FKBP15: variants seen among roughly 807,000 people sequenced by gnomAD.
FKBP15 encodes FKBP prolyl isomerase family member 15.
FKBP15 carries 106 observed loss-of-function variants against 158.1 expected under a neutral mutation model. The observed-to-expected ratio is 0.67, with a 90% CI of 0.57 to 0.79. The LOEUF (loss-of-function observed/expected upper bound fraction) is 0.79, where lower values mean the gene tolerates loss of function less well. FKBP15 is among the 30% of genes least tolerant of loss of function. The pLI, the probability that FKBP15 is intolerant of heterozygous loss-of-function variation, is 0.00. For missense variants in FKBP15, 1,287 were observed against 1,479.1 expected (o/e 0.87, Z 2.13); for synonymous variants, 547 against 548.6 (o/e 1.00, Z 0.04).
At chr9:113,216,064 G>C (rs1048153441) in intron 1 of FKBP15, among the ~76,000 whole-genome samples, 5 of 126,908 alleles carry the variant, frequency 3.9e-5, no homozygotes, top group Non-Finnish European at 6.3e-5. Context: ...CACGGGGTTG[G>C]ACACAACCTT....
chr9:113,218,975 C>T (rs1831199576), intron 1 of FKBP15, among the ~76,000 whole-genome samples: 1 of 152,150 alleles, frequency 6.6e-6, no homozygotes, highest in Non-Finnish European at 1.5e-5. Flanking sequence ...ATAATTGGCC[C>T]CTTAAAAATG....
In FKBP15 at chr9:113,202,522, T is replaced by C. The variant is rs1830812408; in HGVS notation, c.498+9A>G. On this transcript the variant is annotated intron_variant, in intron 6 of 27. Coordinates refer to ENST00000238256, the MANE Select transcript of FKBP15 (RefSeq NM_015258.2). The stretch of plus-strand genomic sequence containing the variant: ...TTGGCTTTTCACAGGGAGAGTAAGA[T>C]GTTATCACCTGCTTATTGAACTCCA... 6.4e-7 allele frequency: 1 copy of C among 1,557,040 alleles called. No homozygotes were observed.
chr9:113,197,920 C>T lies in FKBP15; in HGVS notation c.718-842G>A, dbSNP rs147036612. On this transcript the variant is annotated intron_variant, in intron 8 of 27. Transcript: ENST00000238256. ...ACTGCTAAGATCTATGGGAAAAAGT[C>T]TCCATAGGATTCTGGGAAAAGTGGT... Among the ~76,000 whole-genome samples, 129 of 152,288 alleles carry T rather than the reference C, an allele frequency of 8.5e-4. 1 individual carries two copies. Among genetic ancestry groups the T allele is most frequent in the African/African-American group, 3.0e-3 (125 of 41,558 alleles).
intron 26 of FKBP15, among the ~76,000 whole-genome samples, chr9:113,168,808 A>G (rs1282735139): frequency 6.6e-6 from 1 of 152,106 alleles, no homozygotes; most frequent in African/African-American, 2.4e-5. Flanking sequence ...TTCCCTAGCC[A>G]CCCTATCTAA....
chr9:113,188,711 T>A (rs2118897840), intron 12 of FKBP15: 1 of 497,772 alleles, frequency 2.0e-6, no homozygotes, highest in East Asian at 3.3e-5. Flanking sequence ...TCATATTGAA[T>A]AAGTAAATAT....
rs1272217370 is a variant in FKBP15 at position 113,164,510 on chromosome 9, T to C, written c.*1568A>G. On this transcript the variant is annotated 3_prime_UTR_variant, in exon 28 of 28. Transcript: ENST00000238256. Reference sequence around the variant, plus strand: ...CAAATATAATAGCCACTAGTTAATTTACAATAAGAAATAACTGCCCTAGAA... The same window carrying C: ...CAAATATAATAGCCACTAGTTAATTCACAATAAGAAATAACTGCCCTAGAA... 6.6e-6 allele frequency: 1 copy of C among 152,248 alleles called. No individual in the cohort carries two copies. The highest frequency in any genetic ancestry group is 1.5e-5 in the Non-Finnish European group (1 of 68,046). 9.4% of individuals were successfully genotyped at this position (152,248 alleles called of 1,614,324 possible). A position where few individuals can be genotyped will look rare whatever the true frequency, so the allele number is the denominator to read the frequency against.
At chr9:113,166,696 G>A (rs1363519075) in intron 27 of FKBP15, among the ~76,000 whole-genome samples, 1 of 152,174 alleles carries the variant, frequency 6.6e-6, no homozygotes, top group Non-Finnish European at 1.5e-5. Context: ...ATCCTAAGAG[G>A]TGAAGAACAC....
At chr9:113,166,207 A>T in intron 27 of FKBP15, 52 bp from the exon 28 acceptor site, 2 of 1,507,490 alleles carry the variant, frequency 1.3e-6, no homozygotes, top group Non-Finnish European at 1.8e-6. Flanking sequence ...GCACCACTGG[A>T]CTTTCCACCT....
intron 4 of FKBP15, among the ~76,000 whole-genome samples, chr9:113,204,342 G>A (rs10123301): frequency 0.23 from 34,696 of 152,054 alleles, 4,663 homozygotes; most frequent in African/African-American, 0.36. Flanking sequence ...TGCTGGGATT[G>A]CAGGCGTAAG....
chr9:113,174,671 A>T, intron 21 of FKBP15, 88 bp from the exon 22 acceptor site: 2 of 1,366,658 alleles, frequency 1.5e-6, no homozygotes, highest in Non-Finnish European at 2.0e-6. Context: ...TACCTTGTGG[A>T]ATCCTTACTC....
rs781679026 is a variant in FKBP15, at chr9:113,184,486, G to T, written c.1609-87C>A. The T allele has an allele frequency of 2.1e-4, 230 of 1,094,498 alleles. 1 individual carries two copies. The highest frequency in any genetic ancestry group is 3.5e-5 in the Non-Finnish European group (26 of 736,684). The allele number at this position is 1,094,498 out of a possible 1,614,324, so 67.8% of individuals were successfully genotyped here. On this transcript the variant is annotated intron_variant, in intron 16 of 27. Transcript: ENST00000238256. This position sits in a 1 kb window ranked among gnomAD's most constrained non-coding sequence, Gnocchi z 4.5. Reference sequence around the variant, plus strand: ...CCAAGATTTGACCCTGTTGTTAAGGGGGTTAATGAGTTCCTGGGACAATCT... The same window carrying T: ...CCAAGATTTGACCCTGTTGTTAAGGTGGTTAATGAGTTCCTGGGACAATCT...
At chr9:113,211,908 C>T (rs57702101) in intron 1 of FKBP15, among the ~76,000 whole-genome samples, 1,858 of 152,278 alleles carry the variant, frequency 0.012, 40 homozygotes, top group African/African-American at 0.042. Context: ...CACCTATAAA[C>T]TGAAGTGACT....
intron 23 of FKBP15, 81 bp from the exon 24 acceptor site, chr9:113,171,787 A>G: frequency 8.4e-7 from 1 of 1,188,714 alleles, no homozygotes; most frequent in Non-Finnish European, 1.1e-6. Flanking sequence ...AACCACCCAA[A>G]CATCAAGTCT....
In FKBP15 at chr9:113,186,376, C is replaced by T. The variant is rs764207587; in HGVS notation, c.1384-13G>A. 17 of 1,489,630 alleles carry T rather than the reference C, an allele frequency of 1.1e-5. No homozygotes were observed. Among genetic ancestry groups the T allele is most frequent in the Middle Eastern group, 3.4e-4 (2 of 5,880 alleles). The allele number at this position is 1,489,630 out of a possible 1,614,324, so 92.3% of individuals were successfully genotyped here. The stretch of plus-strand genomic sequence containing the variant: ...TACCTGCATAGGGCTGAGAAACTGA[C>T]GAGTTACCACTGGTTGATAAAACAT... On this transcript the variant is annotated splice_polypyrimidine_tract_variant and intron_variant, in intron 14 of 27. Coordinates refer to ENST00000238256, the MANE Select transcript of FKBP15 (RefSeq NM_015258.2).
At chr9:113,182,714 T>A in intron 19 of FKBP15, 52 bp downstream of exon 19, 2 of 1,452,900 alleles carry the variant, frequency 1.4e-6, no homozygotes, top group Non-Finnish European at 1.9e-6. Flanking sequence ...ATGGGACCAT[T>A]CCTTAGCTCT....
In FKBP15 at chr9:113,209,237, T is replaced by C. The variant is rs150655044; in HGVS notation, c.170-1941A>G. Among the ~76,000 whole-genome samples the C allele has an allele frequency of 3.7e-3, 558 of 152,224 alleles. 5 individuals are homozygous for C. Among genetic ancestry groups the C allele is most frequent in the African/African-American group, 0.013 (537 of 41,550 alleles). On this transcript the variant is annotated intron_variant, in intron 2 of 27. Coordinates refer to ENST00000238256, the MANE Select transcript of FKBP15 (RefSeq NM_015258.2). ...AGTGCACTGTGATGGCACCTGTGAA[T>C]AGCCACTACATTCCAGCCTGGGCAG...
At chr9:113,186,759 A>T (rs998532405) in intron 14 of FKBP15, 2 of 161,180 alleles carry the variant, frequency 1.2e-5, no homozygotes, top group African/African-American at 4.8e-5. Flanking sequence ...CAAATCTGCC[A>T]ATTTCCAAGG....
At chr9:113,193,157 A>T (rs1830606084) in intron 11 of FKBP15, among the ~76,000 whole-genome samples, 1 of 152,198 alleles carries the variant, frequency 6.6e-6, no homozygotes, top group Non-Finnish European at 1.5e-5. Flanking sequence ...TATAAGAATC[A>T]AGATTTGAAT....
Position 113,166,033 on chromosome 9 carries a change from T to A in FKBP15, c.*45A>T. 1 of 1,577,122 alleles carries A rather than the reference T, an allele frequency of 6.3e-7. No homozygotes were observed. Among genetic ancestry groups the A allele is most frequent in the Non-Finnish European group, 8.7e-7 (1 of 1,155,172 alleles). On this transcript the variant is annotated 3_prime_UTR_variant, in exon 28 of 28. Transcript: ENST00000238256. ...AGGGTTGGCTGTGCAAAATCATGCT[T>A]AGGGAAGGGTTGCAGAGAAACCTTT...
Sources: allele counts gnomAD v4.1 joint callset (sites outside exome capture counted in the v4.1 genomes callset), GRCh38; gene constraint gnomAD v4.1.1; non-coding constraint Gnocchi (gnomAD v3.1); transcripts MANE v1.5; gene names NCBI Gene and HGNC (gene_info 2026-07-23, HGNC 2026-07-21).